MRPL22: variants seen among roughly 807,000 people sequenced by gnomAD.
The protein encoded by MRPL22 is mitochondrial ribosomal protein L22, also known as large ribosomal subunit protein uL22m.
MRPL22 carries 27 observed loss-of-function variants against 32.4 expected under a neutral mutation model. The ratio of observed to expected loss-of-function variants is 0.83; its 90% CI spans 0.61 to 1.15. The LOEUF (loss-of-function observed/expected upper bound fraction) is 1.15, where lower values mean the gene tolerates loss of function less well. MRPL22 is among the 50% of genes most tolerant of loss of function. The probability of loss-of-function intolerance (pLI) is 0.00; values close to 1 mark genes in which losing one functional copy is unlikely to be tolerated. For synonymous variants in MRPL22, 86 were observed against 87.3 expected, an observed-to-expected ratio of 0.99 and a Z score of 0.08; for missense variants, 239 against 260.2, an observed-to-expected ratio of 0.92 and a Z score of 0.56.
chr5:154,963,428 T>C (rs1405863085), intron 6 of MRPL22, among the ~76,000 whole-genome samples: 1 of 152,238 alleles, frequency 6.6e-6, no homozygotes, highest in Non-Finnish European at 1.5e-5. Flanking sequence ...TTAAAACATT[T>C]AACACTTGTA....
chr5:154,952,349 C>A (rs761852310), intron 3 of MRPL22, among the ~76,000 whole-genome samples: 1 of 152,108 alleles, frequency 6.6e-6, no homozygotes, highest in Admixed American at 6.5e-5. Context: ...AGTAGTATGT[C>A]ATCTGCTTAA....
In MRPL22 at chr5:154,967,007, G is replaced by T; in HGVS notation, c.*110G>T. 1 of 1,098,888 alleles carries T rather than the reference G, an allele frequency of 9.1e-7. No individual in the cohort carries two copies. The allele number at this position is 1,098,888 out of a possible 1,614,324, so 68.1% of individuals were successfully genotyped here. A position where few individuals can be genotyped will look rare whatever the true frequency, so the allele number is the denominator to read the frequency against. On this transcript the variant is annotated 3_prime_UTR_variant, in exon 7 of 7. Transcript: ENST00000523037. The surrounding 1 kb of genome is among the most constrained non-coding windows in gnomAD (Gnocchi z 4.7). ...GATTTCTCATTGAATTATTGAAACAGTGTATAACTGCTAGTTGTAAATGAA... is the reference window on the plus strand; with the variant it reads ...GATTTCTCATTGAATTATTGAAACATTGTATAACTGCTAGTTGTAAATGAA...
At chr5:154,945,457 G>C (rs978986974) in intron 2 of MRPL22, among the ~76,000 whole-genome samples, 2 of 152,188 alleles carry the variant, frequency 1.3e-5, no homozygotes, top group Non-Finnish European at 2.9e-5. Flanking sequence ...TCCAAGTAGA[G>C]ATACGAGTAG....
rs1450209373 is a variant in MRPL22, at chr5:154,944,249, C to T, written c.77+2984C>T. ...CTGGGATTACAGGCATGAGCCACCACGCCCAGCCAAAAAAATATTTTTTTT... is the reference window on the plus strand; with the variant it reads ...CTGGGATTACAGGCATGAGCCACCATGCCCAGCCAAAAAAATATTTTTTTT... On this transcript the variant is annotated intron_variant, in intron 2 of 6. Transcript: ENST00000523037. 2.6e-5 allele frequency among the ~76,000 whole-genome samples: 4 copies of T among 152,062 alleles called. No individual in the cohort carries two copies. The East Asian group carries it at 5.8e-4, about 22-fold the overall frequency.
intron 2 of MRPL22, among the ~76,000 whole-genome samples, chr5:154,942,330 A>G (rs1419335865): frequency 6.6e-6 from 1 of 152,194 alleles, no homozygotes; most frequent in Non-Finnish European, 1.5e-5. Context: ...TCCCACTCTG[A>G]ATTCTAGTTG....
At chr5:154,945,779 C>G (rs1764481534) in intron 2 of MRPL22, among the ~76,000 whole-genome samples, 1 of 152,148 alleles carries the variant, frequency 6.6e-6, no homozygotes, top group Non-Finnish European at 1.5e-5. Context: ...TTAGGTCACT[C>G]TCAGATGAGG....
In MRPL22 at chr5:154,969,195, G is replaced by GT. The variant is rs1415651096; in HGVS notation, c.*2298_*2299insT. The GT allele has an allele frequency of 6.6e-6, 1 of 152,180 alleles. No individual in the cohort carries two copies. Among genetic ancestry groups the GT allele is most frequent in the African/African-American group, 2.4e-5 (1 of 41,418 alleles). The allele number at this position is 152,180 out of a possible 1,614,324, so 9.4% of individuals were successfully genotyped here. ...TGACGGAGGGAGGTGATTGATGATG[G>GT]GTGTGGTGTACCCCATGCTGTTCTC... is the stretch of plus-strand genomic sequence containing the variant. On this transcript the variant is annotated 3_prime_UTR_variant, in exon 7 of 7. Coordinates refer to ENST00000523037, the MANE Select transcript of MRPL22 (RefSeq NM_014180.4).
At position 154,953,073 on chromosome 5, in the gene MRPL22, T is replaced by G. The variant is rs111785065; in HGVS notation, c.195+2135T>G. On this transcript the variant is annotated intron_variant, in intron 3 of 6. Transcript: ENST00000523037. Reference sequence around the variant, plus strand: ...TATATGGGGCTTCATATGAAGACAGTGAAGGCTGGGTGTGGTGGTTCATGC... The same window carrying G: ...TATATGGGGCTTCATATGAAGACAGGGAAGGCTGGGTGTGGTGGTTCATGC... Among the ~76,000 whole-genome samples, 163 of 152,180 alleles carry G rather than the reference T, an allele frequency of 1.1e-3. 3 individuals are homozygous for G. Among genetic ancestry groups the G allele is most frequent in the African/African-American group, 3.8e-3 (158 of 41,540 alleles).
At chr5:154,941,399 C>T in intron 2 of MRPL22, 134 bp downstream of exon 2, 1 of 1,093,506 alleles carries the variant, frequency 9.1e-7, no homozygotes, top group Non-Finnish European at 1.3e-6. Context: ...CAGCCCGAGT[C>T]TCTGCTTTGT....
intron 2 of MRPL22, among the ~76,000 whole-genome samples, chr5:154,950,458 C>T (rs1281153916): frequency 6.6e-6 from 1 of 152,168 alleles, no homozygotes; most frequent in Non-Finnish European, 1.5e-5. Flanking sequence ...AGTTACTCAA[C>T]AAAGTTGGGC....
intron 2 of MRPL22, among the ~76,000 whole-genome samples, chr5:154,942,067 G>A (rs1437209374): frequency 6.6e-6 from 1 of 152,010 alleles, no homozygotes; most frequent in East Asian, 1.9e-4. Context: ...TGATATGAGC[G>A]TTATGTTAGT....
At position 154,941,334 on chromosome 5, in the gene MRPL22, A is replaced by G. The variant is rs1764412608; in HGVS notation, c.77+69A>G. 14 of 1,595,862 alleles carry G rather than the reference A, an allele frequency of 8.8e-6. No homozygotes were observed. The South Asian group carries it at 1.4e-4, about 16-fold the overall frequency. On this transcript the variant is annotated intron_variant, in intron 2 of 6. Transcript: ENST00000523037. ...TTAGTATTCTGCCAGTTGGTAACTG[A>G]GCGCCTCCGTGCCTAACTGTGTTTT...
chr5:154,951,137 G>A (rs141988344), intron 3 of MRPL22, among the ~76,000 whole-genome samples, 199 bp downstream of exon 3: 7 of 152,272 alleles, frequency 4.6e-5, no homozygotes, highest in Middle Eastern at 6.8e-3. Context: ...TTAACCTCCT[G>A]GATAGGGACC....
chr5:154,961,227 G>T (rs1185795754), intron 6 of MRPL22, among the ~76,000 whole-genome samples: 1 of 152,080 alleles, frequency 6.6e-6, no homozygotes, highest in South Asian at 2.1e-4. Context: ...TTTGATACAT[G>T]CAAAGATGCA....
At chr5:154,943,303 G>T (rs1764444277) in intron 2 of MRPL22, among the ~76,000 whole-genome samples, 1 of 151,846 alleles carries the variant, frequency 6.6e-6, no homozygotes, top group Non-Finnish European at 1.5e-5. Context: ...AATTTTTAGG[G>T]TCTTGCTGTG....
chr5:154,960,197 C>T, intron 6 of MRPL22, 148 bp downstream of exon 6: 1 of 606,422 alleles, frequency 1.6e-6, no homozygotes, highest in South Asian at 2.1e-5. Flanking sequence ...CAGCTGTATG[C>T]ATGCCAATTT....
intron 2 of MRPL22, 35 bp from the exon 3 acceptor site, chr5:154,950,786 T>A: frequency 7.3e-7 from 1 of 1,369,764 alleles, no homozygotes; most frequent in Non-Finnish European, 1.0e-6. Flanking sequence ...GTCCCCTAAG[T>A]GTCTGTTGTT....
At chr5:154,963,709 A>T (rs1229391082) in intron 6 of MRPL22, among the ~76,000 whole-genome samples, 1 of 152,228 alleles carries the variant, frequency 6.6e-6, no homozygotes, top group Non-Finnish European at 1.5e-5. Context: ...ACTTTTACAG[A>T]TGAAACACAG....
chr5:154,960,004 G>T lies in MRPL22; in HGVS notation c.364G>T (p.Ala122Ser). 5.0e-6 allele frequency: 8 copies of T among 1,612,254 alleles called. No homozygotes were observed. The highest frequency in any genetic ancestry group is 6.8e-6 in the Non-Finnish European group (8 of 1,178,928). Residue 122 changes from alanine to serine, a missense_variant, in exon 6 of 7, where the codon GCA becomes TCA. Coordinates refer to ENST00000523037, the MANE Select transcript of MRPL22 (RefSeq NM_014180.4). ...GGTTCTCTTAGAAGCACAAGATATG[G>T]CAGTGAGAGACCATAACGTGGAATT... ...KEVLLEAQDM[A>S]VRDHNVEFRS...
Sources: gnomAD v4.1 joint callset for allele counts (sites outside exome capture counted in the v4.1 genomes callset) on GRCh38, gnomAD v4.1.1 for gene constraint, Gnocchi (gnomAD v3.1) non-coding constraint, MANE v1.5 for transcripts, NCBI Gene and HGNC (gene_info 2026-07-23, HGNC 2026-07-21) for gene names.